Variants in FILIP1 observed in about 807,000 individuals in gnomAD.
FILIP1 encodes the protein filamin A interacting protein 1, also known as filamin-A-interacting protein 1.
A neutral mutation model predicts 102.1 loss-of-function variants in FILIP1; 61 were observed. That is an observed-to-expected ratio of 0.60 (90% CI 0.49 to 0.74). The LOEUF is 0.74. FILIP1 is among the 30% of genes least tolerant of loss of function. The probability of loss-of-function intolerance (pLI) is 0.00; values close to 1 mark genes in which losing one functional copy is unlikely to be tolerated. For synonymous variants in FILIP1, 491 were observed against 526.9 expected, an observed-to-expected ratio of 0.93 and a Z score of 0.93; for missense variants, 1,314 against 1,441.2, an observed-to-expected ratio of 0.91 and a Z score of 1.43.
At chr6:75,488,246 T>G (rs189748284) in intron 1 of FILIP1, among the ~76,000 whole-genome samples, 10 of 152,296 alleles carry the variant, frequency 6.6e-5, no homozygotes. Context: ...TGGGAGTTTC[T>G]CAAGTTCTGC....
At chr6:75,373,636 C>A (rs1172875322) in intron 2 of FILIP1, among the ~76,000 whole-genome samples, 2 of 151,094 alleles carry the variant, frequency 1.3e-5, no homozygotes, top group African/African-American at 4.9e-5. Flanking sequence ...TATACATTCA[C>A]CTGCCTAAAA....
chr6:75,380,532 G>C (rs1050155639), intron 2 of FILIP1, among the ~76,000 whole-genome samples: 1 of 152,110 alleles, frequency 6.6e-6, no homozygotes, highest in Non-Finnish European at 1.5e-5. Flanking sequence ...TTGTTGGGAA[G>C]ACATATGACT....
At chr6:75,480,870 C>G (rs1275332258) in intron 1 of FILIP1, among the ~76,000 whole-genome samples, 1 of 152,048 alleles carries the variant, frequency 6.6e-6, no homozygotes, top group Non-Finnish European at 1.5e-5. Context: ...TATAGCAGAC[C>G]CTCTTCATTA....
chr6:75,425,140 G>T (rs1399408195), intron 1 of FILIP1, among the ~76,000 whole-genome samples: 1 of 152,160 alleles, frequency 6.6e-6, no homozygotes, highest in Non-Finnish European at 1.5e-5. Flanking sequence ...AAGGAGAAAT[G>T]TAAAAATTAT....
chr6:75,449,039 A>C (rs1778531027), intron 1 of FILIP1, among the ~76,000 whole-genome samples: 1 of 152,230 alleles, frequency 6.6e-6, no homozygotes. Flanking sequence ...TGTTTATAGC[A>C]GCACAATTCG....
chr6:75,482,922 C>T (rs890016105), intron 1 of FILIP1, among the ~76,000 whole-genome samples: 9 of 152,002 alleles, frequency 5.9e-5, no homozygotes, highest in Admixed American at 5.2e-4. Context: ...AAAAACAGTG[C>T]CAAGTCATAA....
intron 1 of FILIP1, among the ~76,000 whole-genome samples, chr6:75,427,531 T>C (rs1216775522): frequency 6.6e-6 from 1 of 152,060 alleles, no homozygotes; most frequent in African/African-American, 2.4e-5. Flanking sequence ...AACAATGAAA[T>C]GACTGTACAG....
At position 75,414,121 on chromosome 6, in the gene FILIP1, T is replaced by C. The variant is rs553782463; in HGVS notation, c.276+576A>G. ...GATGTGAAAATGCTTAGGAAACTAT[T>C]AGGTTCTTCATAATGAATGCAATGC... On this transcript the variant is annotated intron_variant, in intron 2 of 5. Coordinates refer to ENST00000237172, the MANE Select transcript of FILIP1 (RefSeq NM_015687.5). Among the ~76,000 whole-genome samples the C allele has an allele frequency of 2.7e-5, 4 of 150,196 alleles. No individual in the cohort carries two copies. The East Asian group carries it at 5.8e-4, about 22-fold the overall frequency.
chr6:75,424,954 A>G (rs564522529), intron 1 of FILIP1, among the ~76,000 whole-genome samples: 1 of 152,300 alleles, frequency 6.6e-6, no homozygotes, highest in Admixed American at 6.5e-5. Flanking sequence ...AGAGCATTTC[A>G]TAACATAAAA....
chr6:75,431,912 T>A (rs918880813), intron 1 of FILIP1, among the ~76,000 whole-genome samples: 4 of 152,232 alleles, frequency 2.6e-5, no homozygotes, highest in African/African-American at 9.6e-5. Context: ...TAGTACCCTA[T>A]GCAAAAGATA....
chr6:75,335,276 C>T (rs1774204990), intron 4 of FILIP1, among the ~76,000 whole-genome samples: 1 of 152,146 alleles, frequency 6.6e-6, no homozygotes, highest in Non-Finnish European at 1.5e-5. Context: ...ATCATTTCAT[C>T]TTTACAAAAT....
intron 1 of FILIP1, among the ~76,000 whole-genome samples, chr6:75,479,968 G>C (rs1779604551): frequency 6.7e-6 from 1 of 148,384 alleles, no homozygotes; most frequent in Admixed American, 6.7e-5. Flanking sequence ...CTTTGTTCAT[G>C]ATGGTTATAA....
intron 2 of FILIP1, among the ~76,000 whole-genome samples, chr6:75,409,144 G>A (rs1018879411): frequency 1.3e-5 from 2 of 152,160 alleles, no homozygotes; most frequent in Non-Finnish European, 2.9e-5. Flanking sequence ...ATAAATGAAA[G>A]GTCCTGGAGC....
chr6:75,452,485 C>G (rs1778667981), intron 1 of FILIP1, among the ~76,000 whole-genome samples: 1 of 152,146 alleles, frequency 6.6e-6, no homozygotes. Context: ...ATATGTGCCA[C>G]ATTTTCTTAA....
At chr6:75,372,789 A>AGAAAGAAG (rs1562516198) in intron 2 of FILIP1, among the ~76,000 whole-genome samples, 1 of 74,014 alleles carries the variant, frequency 1.4e-5, no homozygotes, top group Admixed American at 1.3e-4. Context: ...AAAGAAAGAA[A>AGAAAGAAG]GAAAGAAGGA....
chr6:75,482,974 A>C (rs1375337293), intron 1 of FILIP1, among the ~76,000 whole-genome samples: 1 of 152,178 alleles, frequency 6.6e-6, no homozygotes, highest in Non-Finnish European at 1.5e-5. Flanking sequence ...TTTACATGTA[A>C]ATATGTGTCA....
intron 2 of FILIP1, among the ~76,000 whole-genome samples, chr6:75,383,006 G>T (rs1420110755): frequency 6.6e-6 from 1 of 152,164 alleles, no homozygotes. Context: ...TTTTCATATA[G>T]ATCTAAAACA....
At chr6:75,427,900 C>G (rs1490972611) in intron 1 of FILIP1, among the ~76,000 whole-genome samples, 2 of 152,138 alleles carry the variant, frequency 1.3e-5, no homozygotes, top group Non-Finnish European at 2.9e-5. Context: ...ACTACTGTAA[C>G]TGTATATTCC....
chr6:75,369,857 G>A (rs1324224604), intron 2 of FILIP1, among the ~76,000 whole-genome samples: 1 of 152,224 alleles, frequency 6.6e-6, no homozygotes, highest in Admixed American at 6.5e-5. Context: ...CAGCCAGGCA[G>A]CTTGGGACAG....
Sources: gnomAD v4.1 joint callset for allele counts (sites outside exome capture counted in the v4.1 genomes callset) on GRCh38, gnomAD v4.1.1 for gene constraint, MANE v1.5 for transcripts, NCBI Gene and HGNC (gene_info 2026-07-23, HGNC 2026-07-21) for gene names.